Variants in SCARA5 observed in about 807,000 individuals in gnomAD.
The protein encoded by SCARA5 is scavenger receptor class A, member 5 (putative).
In SCARA5, 45 loss-of-function variants were observed where a neutral mutation model predicts 46.3. The observed-to-expected ratio is 0.97, with a 90% CI of 0.76 to 1.24. SCARA5 has a LOEUF of 1.24. Among genes scored for constraint, SCARA5 ranks in the 50% most tolerant of loss-of-function variants. SCARA5 has a pLI of 0.00. For missense variants in SCARA5, 680 were observed against 689.0 expected (o/e 0.99, Z 0.15); for synonymous variants, 333 against 306.5 (o/e 1.09, Z -0.90).
chr8:27,885,652 C>T (rs1241652617), intron 7 of SCARA5, among the ~76,000 whole-genome samples: 1 of 152,180 alleles, frequency 6.6e-6, no homozygotes, highest in Non-Finnish European at 1.5e-5. Flanking sequence ...GGCCCCAAAT[C>T]TCCAGCATCC....
At position 27,921,969 on chromosome 8, in the gene SCARA5, C is replaced by A; in HGVS notation, c.518G>T (p.Arg173Leu). 1 of 1,541,974 alleles carries A rather than the reference C, an allele frequency of 6.5e-7. No homozygotes were observed. Among genetic ancestry groups the A allele is most frequent in the Non-Finnish European group, 8.7e-7 (1 of 1,152,452 alleles). The change falls in exon 4 of 9, where the codon CGC (arginine) becomes CTC (leucine). Residue 173 changes from arginine (R) to leucine (L), a missense_variant. This residue lies in a region of SCARA5 where 438 missense variants were observed against 384.5 expected (regional missense o/e 1.14). Transcript: ENST00000354914. ...CGCCGTGTCGCTCTGCTGGCCCGTG[C>A]GGTCCCGCAGCAGGGCCACCGCCTG... ...TEQAVALLRD[R>L]TGQQSDTAQL...
In SCARA5 at chr8:27,909,716, C is replaced by T. The variant is rs1190300651; in HGVS notation, c.944G>A (p.Gly315Glu). ...KGPPGPKGDQ[G>E]DEGKEGRPGI... ...AGGCCTGCCTTCCTTTCCTTCATCC[C>T]CCTGATCACCTTTGGGTCCCGGTGG... The change falls in exon 5 of 9, where the codon GGG (glycine) becomes GAG (glutamate). Residue 315 changes from glycine (G) to glutamate (E), a missense_variant. Around this residue, in one of 3 missense-constraint regions of SCARA5, gnomAD observed 219 missense variants for 269.5 expected, o/e 0.81. Transcript: ENST00000354914. 3 of 1,551,430 alleles carry T rather than the reference C, an allele frequency of 1.9e-6. No homozygotes were observed. The highest frequency in any genetic ancestry group is 2.4e-5 in the East Asian group (1 of 40,858).
At chr8:27,904,628 C>G in intron 7 of SCARA5, 150 bp downstream of exon 7, 4 of 767,240 alleles carry the variant, frequency 5.2e-6, no homozygotes, top group African/African-American at 1.7e-5. Context: ...GCTAGACCAG[C>G]AGAGCCCTAA....
At chr8:27,930,875 A>C (rs1271425828) in intron 3 of SCARA5, among the ~76,000 whole-genome samples, 2 of 152,174 alleles carry the variant, frequency 1.3e-5, no homozygotes, top group African/African-American at 4.8e-5. Flanking sequence ...AATGACACGG[A>C]AAGAAGGAAG....
intron 2 of SCARA5, among the ~76,000 whole-genome samples, chr8:27,980,929 G>C (rs563289063): frequency 6.6e-6 from 1 of 152,280 alleles, no homozygotes; most frequent in African/African-American, 2.4e-5. Context: ...CTCCAGGCCA[G>C]GGTCCCTGAG....
intron 3 of SCARA5, among the ~76,000 whole-genome samples, chr8:27,961,652 C>T (rs1808295955): frequency 6.6e-6 from 1 of 152,160 alleles, no homozygotes; most frequent in Non-Finnish European, 1.5e-5. Context: ...GGTTCCAACT[C>T]AGACAGGCTG....
chr8:27,960,814 A>AAGTG (rs1554575338), intron 3 of SCARA5, among the ~76,000 whole-genome samples: 1 of 118,620 alleles, frequency 8.4e-6, no homozygotes, highest in South Asian at 2.8e-4. Context: ...ATTATGAAAT[A>AAGTG]AATGAGTTGT....
intron 3 of SCARA5, among the ~76,000 whole-genome samples, chr8:27,962,952 C>A (rs1424827698): frequency 6.6e-6 from 1 of 152,176 alleles, no homozygotes; most frequent in African/African-American, 2.4e-5. Flanking sequence ...TAGAAAAGAA[C>A]TAATTTAAGG....
In SCARA5 at chr8:27,979,429, C is replaced by T. The variant is rs1426807287; in HGVS notation, c.112+8075G>A. On this transcript the variant is annotated intron_variant, in intron 2 of 8. Coordinates refer to ENST00000354914, the MANE Select transcript of SCARA5 (RefSeq NM_173833.6). The stretch of plus-strand genomic sequence containing the variant: ...CCCTTGCAAAAGCGTATGAGCCAGG[C>T]GCTACGGGTTTCCCATTTCTTAGAG... Among the ~76,000 whole-genome samples the T allele has an allele frequency of 3.9e-5, 6 of 152,124 alleles. No homozygotes were observed. In the East Asian group the frequency reaches 5.8e-4, roughly 15 times the overall value.
At chr8:27,936,954 C>G (rs932434762) in intron 3 of SCARA5, among the ~76,000 whole-genome samples, 1 of 152,138 alleles carries the variant, frequency 6.6e-6, no homozygotes, top group African/African-American at 2.4e-5. Flanking sequence ...AAGATGAATT[C>G]TAAATCAAAA....
At chr8:27,920,748 G>A (rs892860675) in intron 4 of SCARA5, among the ~76,000 whole-genome samples, 2 of 152,110 alleles carry the variant, frequency 1.3e-5, no homozygotes, top group African/African-American at 4.8e-5. Context: ...GGAGTTCAAG[G>A]CTGCCATGAT....
Position 27,879,680 on chromosome 8 carries a change from A to G in SCARA5, c.1240T>C (p.Trp414Arg). ...GRVEVYHDRR[W>R]GTVCDDGWDK... ...CAGCCGTCGTCACACACGGTGCCCC[A>G]ACGCCGGTCGTGGTACACTTCCACG... The change falls in exon 8 of 9, where the codon TGG becomes CGG. Residue 414 changes from tryptophan to arginine, a missense_variant. Physicochemically the swap from Trp to Arg is moderately radical, Grantham distance 101. This residue lies in a region of SCARA5 where 219 missense variants were observed against 269.5 expected (regional missense o/e 0.81). Coordinates refer to ENST00000354914, the MANE Select transcript of SCARA5 (RefSeq NM_173833.6). 1 of 1,613,226 alleles carries G rather than the reference A, an allele frequency of 6.2e-7. No homozygotes were observed. Among genetic ancestry groups the G allele is most frequent in the Non-Finnish European group, 8.5e-7 (1 of 1,180,014 alleles).
intron 3 of SCARA5, among the ~76,000 whole-genome samples, chr8:27,927,800 T>C (rs1284004711): frequency 6.6e-6 from 1 of 152,244 alleles, no homozygotes; most frequent in African/African-American, 2.4e-5. Context: ...AAAAAAGTTA[T>C]ACTAATTTAC....
chr8:27,945,618 G>A (rs559941203), intron 3 of SCARA5, among the ~76,000 whole-genome samples: 1 of 152,288 alleles, frequency 6.6e-6, no homozygotes, highest in East Asian at 1.9e-4. Flanking sequence ...TCAACAACAA[G>A]TAAATAAGAT....
chr8:27,899,322 C>G (rs1346815822), intron 7 of SCARA5, among the ~76,000 whole-genome samples: 1 of 152,158 alleles, frequency 6.6e-6, no homozygotes, highest in Admixed American at 6.5e-5. Flanking sequence ...GTTGGGGTCA[C>G]CAGTGTGGGA....
At chr8:27,989,129 C>CTTTTTTTTTTTT (rs34929623) in intron 1 of SCARA5, among the ~76,000 whole-genome samples, 10 of 68,312 alleles carry the variant, frequency 1.5e-4, no homozygotes, top group African/African-American at 1.9e-4. Flanking sequence ...TTCTTTCTTT[C>CTTTTTTTTTTTT]TTTTTTTTTT....
chr8:27,881,189 C>CT (rs770692545), intron 7 of SCARA5, among the ~76,000 whole-genome samples: 195 of 152,310 alleles, frequency 1.3e-3, no homozygotes, highest in Non-Finnish European at 1.5e-3. Context: ...AATCCCATTG[C>CT]TGGGTGTACA....
intron 2 of SCARA5, among the ~76,000 whole-genome samples, chr8:27,968,823 A>T (rs548692603): frequency 6.6e-6 from 1 of 152,094 alleles, no homozygotes; most frequent in Non-Finnish European, 1.5e-5. Context: ...ATGTGCAATG[A>T]TGTCTATTTT....
intron 4 of SCARA5, among the ~76,000 whole-genome samples, chr8:27,919,839 T>C (rs949216084): frequency 6.6e-5 from 10 of 150,492 alleles, no homozygotes; most frequent in African/African-American, 2.5e-4. Flanking sequence ...TGGAGAGCCA[T>C]TGTTTTCAAA....
Sources: gnomAD v4.1 joint callset for allele counts (sites outside exome capture counted in the v4.1 genomes callset) on GRCh38, gnomAD v4.1.1 for gene constraint, gnomAD v4.1.1 regional missense constraint, MANE v1.5 for transcripts, NCBI Gene and HGNC (gene_info 2026-07-23, HGNC 2026-07-21) for gene names.